The following FBXW7 variants were observed in gnomAD, a reference collection of about 807,000 sequenced individuals.
FBXW7 encodes F-box and WD repeat domain containing 7.
In FBXW7, 11 loss-of-function variants were observed where a neutral mutation model predicts 86.3. That is an observed-to-expected ratio of 0.13 (90% CI 0.08 to 0.21). The LOEUF (loss-of-function observed/expected upper bound fraction) is 0.21. FBXW7 is among the 10% of genes least tolerant of loss of function. The pLI, the probability that FBXW7 is intolerant of heterozygous loss-of-function variation, is 1.00. For synonymous variants in FBXW7, 313 were observed against 297.9 expected (o/e 1.05, Z -0.52); for missense variants, 488 against 847.4 (o/e 0.58, Z 5.27).
At chr4:152,505,993 G>A (rs527336049) in intron 2 of FBXW7, among the ~76,000 whole-genome samples, 4 of 151,740 alleles carry the variant, frequency 2.6e-5, no homozygotes, top group Non-Finnish European at 5.9e-5. Flanking sequence ...CGTCCGCCTC[G>A]GCCTCCCAAA....
intron 2 of FBXW7, among the ~76,000 whole-genome samples, chr4:152,530,070 T>TACACACAC (rs200498212): frequency 1.0e-4 from 13 of 124,670 alleles, no homozygotes; most frequent in Admixed American, 2.5e-4. Context: ...AAAAAAAAAA[T>TACACACAC]ACACACACAC....
At chr4:152,444,657 G>A (rs1741209651) in intron 2 of FBXW7, among the ~76,000 whole-genome samples, 1 of 152,088 alleles carries the variant, frequency 6.6e-6, no homozygotes, top group Admixed American at 6.5e-5. Flanking sequence ...GGTAAAACAG[G>A]AAAACATTCT....
At chr4:152,456,748 G>A (rs942666394) in intron 2 of FBXW7, among the ~76,000 whole-genome samples, 3 of 152,170 alleles carry the variant, frequency 2.0e-5, no homozygotes, top group African/African-American at 7.2e-5. Flanking sequence ...AGGATGTGAA[G>A]CAACTGGAAT....
intron 4 of FBXW7, among the ~76,000 whole-genome samples, chr4:152,405,980 A>T (rs1359406634): frequency 2.0e-5 from 3 of 152,236 alleles, no homozygotes; most frequent in Non-Finnish European, 4.4e-5. Context: ...GAATGATCGG[A>T]GCTTGAGAAA....
intron 2 of FBXW7, among the ~76,000 whole-genome samples, chr4:152,437,933 G>A (rs375567495): frequency 2.6e-5 from 4 of 152,178 alleles, no homozygotes; most frequent in East Asian, 3.8e-4. Context: ...TCAGCACTTT[G>A]GGAGGCAGAG....
At chr4:152,332,567 C>T (rs1316265794) in intron 8 of FBXW7, 29 bp downstream of exon 8, 2 of 1,529,970 alleles carry the variant, frequency 1.3e-6, no homozygotes, top group African/African-American at 1.4e-5. Context: ...AAAGTATAAA[C>T]ATATTCTCTA....
chr4:152,421,623 T>C (rs908261944), intron 2 of FBXW7, among the ~76,000 whole-genome samples: 17 of 152,228 alleles, frequency 1.1e-4, no homozygotes, highest in African/African-American at 3.9e-4. Flanking sequence ...GCCTAGCTTT[T>C]GCCCTGTCTC....
At chr4:152,357,472 C>T (rs556387040) in intron 4 of FBXW7, among the ~76,000 whole-genome samples, 2 of 152,032 alleles carry the variant, frequency 1.3e-5, no homozygotes, top group South Asian at 2.1e-4. Flanking sequence ...AGTCGTGTGC[C>T]ACCACACCCC....
intron 2 of FBXW7, among the ~76,000 whole-genome samples, chr4:152,462,918 T>G (rs1474356105): frequency 8.2e-6 from 1 of 122,536 alleles, no homozygotes; most frequent in Non-Finnish European, 1.7e-5. Context: ...ACTTCCAGTC[T>G]TTTTTTTTTT....
Position 152,399,089 on chromosome 4 carries a change from G to A in FBXW7, c.501+12214C>T, listed in dbSNP as rs116818616. On this transcript the variant is annotated intron_variant, in intron 4 of 13. Coordinates refer to ENST00000281708, the MANE Select transcript of FBXW7 (RefSeq NM_001349798.2). ...CCAGCTTTTTCACTCACTTACTAGCGTTAAGCAATTAACATTTTCAAGCTA... is the reference window on the plus strand; with the variant it reads ...CCAGCTTTTTCACTCACTTACTAGCATTAAGCAATTAACATTTTCAAGCTA... Among the ~76,000 whole-genome samples, 942 of 152,184 alleles carry A rather than the reference G, an allele frequency of 6.2e-3. 10 individuals are homozygous for A. The highest frequency in any genetic ancestry group is 0.022 in the African/African-American group (896 of 41,544).
intron 4 of FBXW7, among the ~76,000 whole-genome samples, chr4:152,375,342 A>C (rs531259984): frequency 6.6e-6 from 1 of 152,154 alleles, no homozygotes; most frequent in Non-Finnish European, 1.5e-5. Context: ...TGAGACAACC[A>C]TAAGACTCTC....
chr4:152,399,270 A>G (rs1736702913), intron 4 of FBXW7, among the ~76,000 whole-genome samples: 1 of 152,180 alleles, frequency 6.6e-6, no homozygotes, highest in African/African-American at 2.4e-5. Context: ...CCATTAAGAA[A>G]TAGGATAGAA....
At chr4:152,412,887 C>G (rs1312186248) in intron 2 of FBXW7, among the ~76,000 whole-genome samples, 3 of 152,040 alleles carry the variant, frequency 2.0e-5, no homozygotes, top group Non-Finnish European at 4.4e-5. Flanking sequence ...TCATATTTCT[C>G]AATTTTTATA....
intron 2 of FBXW7, among the ~76,000 whole-genome samples, chr4:152,487,148 T>C (rs1279071610): frequency 6.6e-6 from 1 of 152,140 alleles, no homozygotes; most frequent in Non-Finnish European, 1.5e-5. Context: ...AGAAAATCAT[T>C]TTGCAAGCAT....
intron 6 of FBXW7, among the ~76,000 whole-genome samples, chr4:152,346,256 T>A (rs1307116361): frequency 6.6e-6 from 1 of 152,174 alleles, no homozygotes; most frequent in Non-Finnish European, 1.5e-5. Flanking sequence ...GTAAGCCATA[T>A]ACAAGCATGG....
intron 2 of FBXW7, among the ~76,000 whole-genome samples, chr4:152,485,483 T>C (rs944078794): frequency 1.4e-5 from 2 of 147,646 alleles, no homozygotes; most frequent in African/African-American, 5.2e-5. Context: ...CATATATTGA[T>C]GTTATTGGTA....
chr4:152,342,030 A>G lies in FBXW7; in HGVS notation c.727-4094T>C, dbSNP rs1730794768. 2.6e-5 allele frequency among the ~76,000 whole-genome samples: 4 copies of G among 152,156 alleles called. No homozygotes were observed. The South Asian group carries it at 8.3e-4, about 32-fold the overall frequency. ...TAATTATTATTTTACTGCTACTTGA[A>G]AAGTGGTTGTCTCAGAAAAGAGAAA... is the stretch of plus-strand genomic sequence containing the variant. On this transcript the variant is annotated intron_variant, in intron 6 of 13. Coordinates refer to ENST00000281708, the MANE Select transcript of FBXW7 (RefSeq NM_001349798.2).
intron 4 of FBXW7, 131 bp from the exon 5 acceptor site, chr4:152,350,255 A>G (rs1560790641): frequency 4.3e-6 from 2 of 462,986 alleles, no homozygotes; most frequent in Non-Finnish European, 7.8e-6. Flanking sequence ...TATAAAATAA[A>G]TGTTTCATAG....
chr4:152,338,878 AGTGG>A (rs1457287817), intron 6 of FBXW7, among the ~76,000 whole-genome samples: 1 of 152,182 alleles, frequency 6.6e-6, no homozygotes, highest in African/African-American at 2.4e-5. Context: ...CCACTTTAGA[AGTGG>A]GTGAATAGAG....
Sources: allele counts gnomAD v4.1 joint callset (sites outside exome capture counted in the v4.1 genomes callset), GRCh38; gene constraint gnomAD v4.1.1; transcripts MANE v1.5; gene names NCBI Gene and HGNC (gene_info 2026-07-23, HGNC 2026-07-21).